The following NCOR1 variants were observed in gnomAD, a reference collection of about 807,000 sequenced individuals.
NCOR1 encodes the protein nuclear receptor corepressor 1, also known as protein phosphatase 1, regulatory subunit 109.
NCOR1 carries 63 observed loss-of-function variants against 288.1 expected under a neutral mutation model. The ratio of observed to expected loss-of-function variants is 0.22; its 90% confidence interval spans 0.18 to 0.27. The LOEUF (loss-of-function observed/expected upper bound fraction) is 0.27, where lower values mean the gene tolerates loss of function less well. Among genes scored for constraint, NCOR1 ranks in the 10% least tolerant of loss-of-function variants. NCOR1 has a pLI of 1.00. For synonymous variants in NCOR1, 1,007 were observed against 1,065.9 expected, an observed-to-expected ratio of 0.94 and a Z score of 1.08; for missense variants, 2,397 against 3,019.2, an observed-to-expected ratio of 0.79 and a Z score of 4.83.
chr17:16,058,716 A>T, intron 37 of NCOR1, 117 bp from the exon 38 acceptor site: 1 of 1,067,120 alleles, frequency 9.4e-7, no homozygotes, highest in Non-Finnish European at 1.3e-6. Flanking sequence ...AAGGTATTCC[A>T]GGTTAATGAG....
intron 22 of NCOR1, among the ~76,000 whole-genome samples, chr17:16,090,946 T>C (rs924192196): frequency 6.6e-6 from 1 of 152,214 alleles, no homozygotes; most frequent in Non-Finnish European, 1.5e-5. Flanking sequence ...ATTTCAGTAT[T>C]CTGATATTCT....
intron 19 of NCOR1, among the ~76,000 whole-genome samples, chr17:16,106,321 A>G (rs1391511499): frequency 6.6e-6 from 1 of 152,214 alleles, no homozygotes; most frequent in Non-Finnish European, 1.5e-5. Context: ...ATCATTTGAC[A>G]TAAGCACTTT....
intron 27 of NCOR1, among the ~76,000 whole-genome samples, chr17:16,074,765 T>C (rs1198848634): frequency 6.6e-5 from 10 of 152,098 alleles, no homozygotes; most frequent in Admixed American, 5.2e-4. Flanking sequence ...TGAGAAAATA[T>C]AACAAGAATA....
chr17:16,192,437 C>T (rs2088641720), intron 2 of NCOR1, among the ~76,000 whole-genome samples: 1 of 152,182 alleles, frequency 6.6e-6, no homozygotes, highest in Non-Finnish European at 1.5e-5. Context: ...GGGTGGATCA[C>T]CTGAGGTCAG....
At chr17:16,118,926 G>A (rs1199726872) in intron 17 of NCOR1, among the ~76,000 whole-genome samples, 6 of 152,164 alleles carry the variant, frequency 3.9e-5, no homozygotes, top group Admixed American at 2.6e-4. Flanking sequence ...TCAAACCTTC[G>A]CTGGCCTGGT....
At chr17:16,076,547 C>T (rs1374324073) in intron 26 of NCOR1, among the ~76,000 whole-genome samples, 1 of 152,182 alleles carries the variant, frequency 6.6e-6, no homozygotes, top group Admixed American at 6.5e-5. Flanking sequence ...GGTTGTTTGG[C>T]ATTTGAAGCA....
At chr17:16,195,119 G>C (rs1302702897) in intron 1 of NCOR1, among the ~76,000 whole-genome samples, 1 of 152,192 alleles carries the variant, frequency 6.6e-6, no homozygotes, top group Non-Finnish European at 1.5e-5. Flanking sequence ...CAGATGGTAG[G>C]TAGATGGACA....
chr17:16,104,963 CA>C (rs747650796), intron 19 of NCOR1, among the ~76,000 whole-genome samples: 3 of 152,130 alleles, frequency 2.0e-5, no homozygotes, highest in Non-Finnish European at 4.4e-5. Context: ...TTAGAAAGCA[CA>C]AAGGCTCCTG....
At chr17:16,078,768 G>T (rs890083437) in intron 26 of NCOR1, among the ~76,000 whole-genome samples, 5 of 152,104 alleles carry the variant, frequency 3.3e-5, no homozygotes, top group Non-Finnish European at 7.4e-5. Flanking sequence ...TAGAGACGGG[G>T]TTTCACCATG....
intron 1 of NCOR1, among the ~76,000 whole-genome samples, chr17:16,205,898 T>C (rs192179983): frequency 2.2e-4 from 32 of 147,996 alleles, no homozygotes; most frequent in African/African-American, 8.0e-4. Flanking sequence ...GATCAAGCCA[T>C]TGCACTCTAG....
Position 16,047,018 on chromosome 17 carries a change from C to A in NCOR1, c.6612G>T (p.Met2204Ile), listed in dbSNP as rs2058747384. 1.2e-6 allele frequency: 2 copies of A among 1,613,858 alleles called. No individual in the cohort carries two copies. Among genetic ancestry groups the A allele is most frequent in the Admixed American group, 1.7e-5 (1 of 59,982 alleles). Residue 2204 changes from methionine to isoleucine, a missense_variant, in exon 42 of 46, where the codon ATG (methionine) becomes ATT (isoleucine). Transcript: ENST00000268712. ...FFTKLENTSP[M>I]VKSKKQEIFR... ...AAATCTCCTGCTTCTTTGATTTAAC[C>A]ATGGGTGATGTATTTTCAAGCTTGG...
At chr17:16,041,427 T>G (rs1325677038) in intron 42 of NCOR1, among the ~76,000 whole-genome samples, 1 of 148,430 alleles carries the variant, frequency 6.7e-6, no homozygotes, top group Non-Finnish European at 1.5e-5. Flanking sequence ...TTTTTTCCTT[T>G]GAGATGGTGG....
rs149962889 is a variant in NCOR1 at position 16,045,277 on chromosome 17, T to C, written c.6679+1674A>G. Reference sequence around the variant, plus strand: ...ATCATTAGCAACATGGACTCTGGAGTTGGAATGCCTGGGTTTGAACTGCAG... The same window carrying C: ...ATCATTAGCAACATGGACTCTGGAGCTGGAATGCCTGGGTTTGAACTGCAG... On this transcript the variant is annotated intron_variant, in intron 42 of 45. Coordinates refer to ENST00000268712, the MANE Select transcript of NCOR1 (RefSeq NM_006311.4). Among the ~76,000 whole-genome samples, 639 of 152,208 alleles carry C rather than the reference T, an allele frequency of 4.2e-3. 8 individuals carry two copies. The highest frequency in any genetic ancestry group is 0.015 in the African/African-American group (617 of 41,530).
At chr17:16,102,736 G>C (rs59856952) in intron 19 of NCOR1, among the ~76,000 whole-genome samples, 1 of 152,222 alleles carries the variant, frequency 6.6e-6, no homozygotes, top group Non-Finnish European at 1.5e-5. Context: ...TGGGATTATA[G>C]GTGCCTGGCA....
intron 7 of NCOR1, among the ~76,000 whole-genome samples, chr17:16,152,499 C>A (rs1194285811): frequency 1.3e-5 from 2 of 152,148 alleles, no homozygotes; most frequent in Non-Finnish European, 2.9e-5. Context: ...TTTTTTATGG[C>A]TGCATAGTAT....
intron 14 of NCOR1, among the ~76,000 whole-genome samples, chr17:16,133,272 CACTAT>C (rs1039737751): frequency 3.3e-5 from 5 of 152,118 alleles, no homozygotes; most frequent in African/African-American, 1.2e-4. Flanking sequence ...CCCAGCCACA[CACTAT>C]ACATTTATCT....
chr17:16,074,646 A>G (rs143868173), intron 27 of NCOR1, among the ~76,000 whole-genome samples: 1 of 152,324 alleles, frequency 6.6e-6, no homozygotes, highest in African/African-American at 2.4e-5. Context: ...AGCATAGCTC[A>G]TGACTACTCC....
rs1567793594 is a variant in NCOR1 at position 16,064,912 on chromosome 17, T to C, written c.5059A>G (p.Thr1687Ala). 2 of 1,613,552 alleles carry C rather than the reference T, an allele frequency of 1.2e-6. No homozygotes were observed. Among genetic ancestry groups the C allele is most frequent in the Non-Finnish European group, 1.7e-6 (2 of 1,179,716 alleles). Reference sequence around the variant, plus strand: ...GAGTTGTACGGCCTGGGAGGGAAAGTAATCTGTGTACCAGGAATATAAGTG... The same window carrying C: ...GAGTTGTACGGCCTGGGAGGGAAAGCAATCTGTGTACCAGGAATATAAGTG... The part of the protein sequence containing the change: ...RITYIPGTQI[T>A]FPPRPYNSAS... The change falls in exon 34 of 46, where the codon ACT (threonine) becomes GCT (alanine). Residue 1687 changes from threonine to alanine, a missense_variant. Physicochemically the swap from Thr to Ala is moderately conservative, Grantham distance 58. Coordinates refer to ENST00000268712, the MANE Select transcript of NCOR1 (RefSeq NM_006311.4).
intron 27 of NCOR1, 77 bp from the exon 28 acceptor site, chr17:16,073,646 GTCTA>G: frequency 8.6e-7 from 1 of 1,161,410 alleles, no homozygotes; most frequent in Non-Finnish European, 1.1e-6. Context: ...TAGTTTCATA[GTCTA>G]TCTTATAAAA....
Sources: allele counts gnomAD v4.1 joint callset (sites outside exome capture counted in the v4.1 genomes callset), GRCh38; gene constraint gnomAD v4.1.1; transcripts MANE v1.5; gene names NCBI Gene and HGNC (gene_info 2026-07-23, HGNC 2026-07-21).